Variants in DNAJC11 observed in about 807,000 individuals in gnomAD.
DNAJC11 encodes DnaJ heat shock protein family (Hsp40) member C11.
Under a neutral mutation model 78.6 loss-of-function variants are expected in DNAJC11, and 15 were observed. The ratio of observed to expected loss-of-function variants is 0.19; its 90% CI spans 0.13 to 0.29. The LOEUF (loss-of-function observed/expected upper bound fraction) is 0.29, where lower values mean the gene tolerates loss of function less well. DNAJC11 is among the 10% of genes least tolerant of loss of function. The probability of loss-of-function intolerance (pLI) is 1.00; values close to 1 mark genes in which losing one functional copy is unlikely to be tolerated. For missense variants in DNAJC11, 547 were observed against 709.6 expected (o/e 0.77, Z 2.60); for synonymous variants, 292 against 272.1 (o/e 1.07, Z -0.72).
At position 6,634,181 on chromosome 1, in the gene DNAJC11, A is replaced by G; in HGVS notation, c.*1494T>C. The G allele has an allele frequency of 2.4e-6, 3 of 1,266,482 alleles. No homozygotes were observed. The highest frequency in any genetic ancestry group is 2.4e-5 in the East Asian group (1 of 42,364). 78.5% of individuals were successfully genotyped at this position (1,266,482 alleles called of 1,614,324 possible). On this transcript the variant is annotated 3_prime_UTR_variant, in exon 16 of 16. Transcript: ENST00000377577. ...AGAGCGCCAGCCTCTGCTTTCAGGA[A>G]AGGTTTATTGTGGTGAGTGCCTTCT...
At chr1:6,674,822 T>C (rs1402649294) in intron 3 of DNAJC11, among the ~76,000 whole-genome samples, 1 of 152,212 alleles carries the variant, frequency 6.6e-6, no homozygotes, top group East Asian at 1.9e-4. Context: ...GAGTGATTTC[T>C]AGTTGGTGGA....
In DNAJC11 at chr1:6,645,198, C is replaced by T; in HGVS notation, c.895-72G>A. 2 of 1,223,810 alleles carry T rather than the reference C, an allele frequency of 1.6e-6. No homozygotes were observed. The highest frequency in any genetic ancestry group is 2.4e-6 in the Non-Finnish European group (2 of 830,922). 75.8% of individuals were successfully genotyped at this position (1,223,810 alleles called of 1,614,324 possible). A position where few individuals can be genotyped will look rare whatever the true frequency, so the allele number is the denominator to read the frequency against. On this transcript the variant is annotated intron_variant, in intron 8 of 15. Coordinates refer to ENST00000377577, the MANE Select transcript of DNAJC11 (RefSeq NM_018198.4). This position sits in a 1 kb window ranked among gnomAD's most constrained non-coding sequence, Gnocchi z 4.1. ...CTGTGGGGAGATGGGTATCTGCCCT[C>T]CCACTAGCTCTGGGCATCTGCTGCA...
Position 6,645,715 on chromosome 1 carries a change from G to GGGAGCACT in DNAJC11, c.894+66_894+73dup. 6.5e-7 allele frequency: 1 copy of GGGAGCACT among 1,531,294 alleles called. No individual in the cohort carries two copies. Among genetic ancestry groups the GGGAGCACT allele is most frequent in the Non-Finnish European group, 9.0e-7 (1 of 1,115,938 alleles). 94.9% of individuals were successfully genotyped at this position (1,531,294 alleles called of 1,614,324 possible). A position where few individuals can be genotyped will look rare whatever the true frequency, so the allele number is the denominator to read the frequency against. On this transcript the variant is annotated intron_variant, in intron 8 of 15. Coordinates refer to ENST00000377577, the MANE Select transcript of DNAJC11 (RefSeq NM_018198.4). The surrounding 1 kb of genome is among the most constrained non-coding windows in gnomAD (Gnocchi z 4.1). ...TGGTGATCAGGACGCAGGATTTAAG[G>GGGAGCACT]GGAGCACTGAGTGCTTGGGAGGAGG... is the stretch of plus-strand genomic sequence containing the variant.
chr1:6,636,794 C>G (rs562885966), intron 14 of DNAJC11, among the ~76,000 whole-genome samples: 1 of 152,296 alleles, frequency 6.6e-6, no homozygotes, highest in South Asian at 2.1e-4. Context: ...CGGCAAAGAT[C>G]CCACTTTAAG....
intron 1 of DNAJC11, among the ~76,000 whole-genome samples, chr1:6,696,574 C>A (rs891198878): frequency 6.6e-6 from 1 of 152,122 alleles, no homozygotes; most frequent in Non-Finnish European, 1.5e-5. Flanking sequence ...GCTAAGGAAA[C>A]CCCAACAACA....
At chr1:6,683,923 A>C (rs1454347773) in intron 1 of DNAJC11, among the ~76,000 whole-genome samples, 2 of 152,094 alleles carry the variant, frequency 1.3e-5, no homozygotes, top group Non-Finnish European at 2.9e-5. Flanking sequence ...TCCCAACTTT[A>C]AATGCATTTC....
chr1:6,636,273 A>T (rs1476411342), intron 14 of DNAJC11, 27 bp from the exon 15 acceptor site: 1 of 1,612,516 alleles, frequency 6.2e-7, no homozygotes, highest in East Asian at 2.2e-5. Flanking sequence ...GCTACTCTCA[A>T]TACTCCAGAC....
intron 3 of DNAJC11, among the ~76,000 whole-genome samples, chr1:6,675,950 A>G (rs1204519263): frequency 6.6e-6 from 1 of 152,208 alleles, no homozygotes. Flanking sequence ...GAAAAATTGT[A>G]GCCAACCCAC....
chr1:6,687,292 T>A (rs1229240203), intron 1 of DNAJC11, among the ~76,000 whole-genome samples: 2 of 151,384 alleles, frequency 1.3e-5, no homozygotes, highest in African/African-American at 4.9e-5. Context: ...AAAAAAAAAA[T>A]TCCCTATTTC....
intron 7 of DNAJC11, among the ~76,000 whole-genome samples, chr1:6,649,913 C>T (rs1642027656): frequency 1.3e-5 from 2 of 151,640 alleles, no homozygotes; most frequent in Non-Finnish European, 1.5e-5. Context: ...GCCATGTTGG[C>T]CAGGCTGGTC....
intron 10 of DNAJC11, among the ~76,000 whole-genome samples, 197 bp from the exon 11 acceptor site, chr1:6,640,254 C>T (rs1283826819): frequency 6.6e-6 from 1 of 152,152 alleles, no homozygotes; most frequent in African/African-American, 2.4e-5. Flanking sequence ...GGATCTGACA[C>T]TGTGACAGAA....
At chr1:6,638,164 C>A in intron 12 of DNAJC11, 131 bp downstream of exon 12, 1 of 858,480 alleles carries the variant, frequency 1.2e-6, no homozygotes, top group Admixed American at 2.5e-5. Flanking sequence ...TCGCATCCCA[C>A]AATAAAGACT....
rs537909510 is a variant in DNAJC11, at chr1:6,638,425, C to T, written c.1254-61G>A. ...GGCGCTGCCCAGCTTCCAGCCAACA[C>T]AGCCCCTCCCGTGCTGGACCCGAGC... On this transcript the variant is annotated intron_variant, in intron 11 of 15. Coordinates refer to ENST00000377577, the MANE Select transcript of DNAJC11 (RefSeq NM_018198.4). 5.2e-6 allele frequency: 8 copies of T among 1,543,454 alleles called. No individual in the cohort carries two copies. The African/African-American group carries it at 9.5e-5, about 18-fold the overall frequency.
chr1:6,689,530 G>A (rs1275915330), intron 1 of DNAJC11, among the ~76,000 whole-genome samples: 1 of 152,180 alleles, frequency 6.6e-6, no homozygotes, highest in Non-Finnish European at 1.5e-5. Flanking sequence ...GCTCACGCCT[G>A]TAATCCCAGC....
intron 1 of DNAJC11, among the ~76,000 whole-genome samples, chr1:6,691,015 CAG>C (rs1312756817): frequency 7.2e-5 from 11 of 151,918 alleles, no homozygotes; most frequent in Admixed American, 7.2e-4. Context: ...AACAAAGAAA[CAG>C]ATAAAACAAT....
chr1:6,688,545 C>T (rs1352944223), intron 1 of DNAJC11, among the ~76,000 whole-genome samples: 1 of 152,026 alleles, frequency 6.6e-6, no homozygotes, highest in East Asian at 1.9e-4. Context: ...TTTCCTATTC[C>T]CCACCCCCCA....
intron 1 of DNAJC11, 101 bp downstream of exon 1, chr1:6,701,623 GGACCC>G (rs1233417559): frequency 8.2e-7 from 1 of 1,218,948 alleles, no homozygotes; most frequent in Non-Finnish European, 1.1e-6. Context: ...CCTCCCCGAC[GGACCC>G]GAGCCTCCCG....
chr1:6,644,627 ATCTTCC>A lies in DNAJC11; in HGVS notation c.1022_1027del (p.Arg341_Lys342del). On this transcript the variant is annotated inframe_deletion, in exon 10 of 16. Transcript: ENST00000377577. ...TGCACCCAAAACGCTGTGCCTGGAG[ATCTTCC>A]TCTCAGCTCCGTACTCCACCACCGT... is the stretch of plus-strand genomic sequence containing the variant. The A allele has an allele frequency of 6.2e-7, 1 of 1,614,100 alleles. No individual in the cohort carries two copies. Among genetic ancestry groups the A allele is most frequent in the Non-Finnish European group, 8.5e-7 (1 of 1,180,012 alleles).
In DNAJC11 at chr1:6,671,051, CTG is replaced by C. The variant is rs1324099877; in HGVS notation, c.277-3243_277-3242del. On this transcript the variant is annotated intron_variant, in intron 3 of 15. Coordinates refer to ENST00000377577, the MANE Select transcript of DNAJC11 (RefSeq NM_018198.4). ...GACTTTACAGCCCAATTCAGTGGAC[CTG>C]ACTGTGGAGCCACAGTTTCTCTGGA... 4 of 152,086 alleles carry C rather than the reference CTG, an allele frequency of 2.6e-5. No individual in the cohort carries two copies. The East Asian group carries it at 7.7e-4, about 29-fold the overall frequency. 9.4% of individuals were successfully genotyped at this position (152,086 alleles called of 1,614,324 possible). A position where few individuals can be genotyped will look rare whatever the true frequency, so the allele number is the denominator to read the frequency against.
Sources: gnomAD v4.1 joint callset for allele counts (sites outside exome capture counted in the v4.1 genomes callset) on GRCh38, gnomAD v4.1.1 for gene constraint, Gnocchi (gnomAD v3.1) non-coding constraint, MANE v1.5 for transcripts, NCBI Gene and HGNC (gene_info 2026-07-23, HGNC 2026-07-21) for gene names.